The following KLHL3 variants were observed in gnomAD, a reference collection of about 807,000 sequenced individuals.
KLHL3 encodes kelch like family member 3, also known as kelch-like protein 3.
In KLHL3, 19 loss-of-function variants were observed where a neutral mutation model predicts 70.5. The observed-to-expected ratio is 0.27, with a 90% CI of 0.19 to 0.40. KLHL3 has a LOEUF of 0.40. Ranked by LOEUF, KLHL3 falls within the 10% of genes least tolerant of loss-of-function variation. KLHL3 has a pLI of 1.00. For synonymous variants in KLHL3, 258 were observed against 290.3 expected (o/e 0.89, Z 1.13); for missense variants, 512 against 771.1 (o/e 0.66, Z 3.98).
chr5:137,663,053 GTTC>G (rs1751521515), intron 6 of KLHL3, among the ~76,000 whole-genome samples: 1 of 130,056 alleles, frequency 7.7e-6, no homozygotes, highest in Admixed American at 8.0e-5. Context: ...TTGAGCACTC[GTTC>G]TTTTTTTTTT....
chr5:137,628,688 C>CA, intron 12 of KLHL3: 2 of 281,904 alleles, frequency 7.1e-6, no homozygotes, highest in Non-Finnish European at 1.3e-5. Context: ...TTTTAAAAAA[C>CA]ATTAAAAAAT....
chr5:137,627,738 A>G (rs1444481684), intron 13 of KLHL3, among the ~76,000 whole-genome samples: 1 of 152,142 alleles, frequency 6.6e-6, no homozygotes, highest in Non-Finnish European at 1.5e-5. Context: ...TAAATACACT[A>G]CAGTAAATCT....
At chr5:137,674,988 G>C (rs1751851869) in intron 6 of KLHL3, among the ~76,000 whole-genome samples, 1 of 152,112 alleles carries the variant, frequency 6.6e-6, no homozygotes, top group Non-Finnish European at 1.5e-5. Flanking sequence ...AAACTATGAG[G>C]TTAGCCAAAG....
chr5:137,712,097 T>C (rs1451141995), intron 2 of KLHL3, among the ~76,000 whole-genome samples: 2 of 142,980 alleles, frequency 1.4e-5, no homozygotes, highest in Admixed American at 1.5e-4. Flanking sequence ...AGGCAGAGGT[T>C]GCTGTGGGCC....
chr5:137,634,968 G>A (rs1378874489), intron 11 of KLHL3, among the ~76,000 whole-genome samples: 2 of 152,132 alleles, frequency 1.3e-5, no homozygotes, highest in Admixed American at 1.3e-4. Context: ...AAAATGCAAT[G>A]GGATGGTCTC....
intron 13 of KLHL3, among the ~76,000 whole-genome samples, chr5:137,627,165 T>C (rs1010207622): frequency 6.6e-6 from 1 of 152,166 alleles, no homozygotes; most frequent in African/African-American, 2.4e-5. Context: ...AATTATGATA[T>C]AGTCATTTAA....
chr5:137,688,162 T>TA (rs1215305904), intron 5 of KLHL3, among the ~76,000 whole-genome samples: 2 of 7,480 alleles, frequency 2.7e-4, no homozygotes, highest in Non-Finnish European at 5.1e-4. Context: ...GAATGATCAA[T>TA]AAAAAAAAAT....
At position 137,625,805 on chromosome 5, in the gene KLHL3, A is replaced by G; in HGVS notation, c.1683T>C (p.Thr561=). The change falls in exon 14 of 15, where the codon ACT becomes ACC. Residue 561 remains threonine (T), a synonymous_variant. Coordinates refer to ENST00000309755, the MANE Select transcript of KLHL3 (RefSeq NM_017415.3). The part of the protein sequence containing the change: ...LASVEYYNPV[T]DKWTLLPTNM... ...TCGTTGGAAGCAGCGTCCATTTGTC[A>G]GTGACAGGATTGTAGTACTCCACCG... The G allele has an allele frequency of 6.2e-7, 1 of 1,614,162 alleles. No homozygotes were observed.
At chr5:137,707,024 A>G (rs1752698203) in intron 3 of KLHL3, among the ~76,000 whole-genome samples, 1 of 152,220 alleles carries the variant, frequency 6.6e-6, no homozygotes. Flanking sequence ...GGCCTTCCTG[A>G]GGAAGTGATG....
At chr5:137,727,571 A>AG in intron 1 of KLHL3, among the ~76,000 whole-genome samples, 1 of 152,270 alleles carries the variant, frequency 6.6e-6, no homozygotes, top group South Asian at 2.1e-4. Context: ...AAAATACACT[A>AG]GGCTCTCTGC....
Position 137,735,773 on chromosome 5 carries a change from C to A in KLHL3, c.-127G>T. On this transcript the variant is annotated 5_prime_UTR_variant, in exon 1 of 15. Coordinates refer to ENST00000309755, the MANE Select transcript of KLHL3 (RefSeq NM_017415.3). Reference sequence around the variant, plus strand: ...CAGCAACAGTGATTCAGCATGGCTGCAAGTGAAGCCTCCTCCCTTCTCAAT... The same window carrying A: ...CAGCAACAGTGATTCAGCATGGCTGAAAGTGAAGCCTCCTCCCTTCTCAAT... The A allele has an allele frequency of 8.0e-7, 1 of 1,255,130 alleles. No individual in the cohort carries two copies. 77.7% of individuals were successfully genotyped at this position (1,255,130 alleles called of 1,614,324 possible).
intron 8 of KLHL3, 148 bp downstream of exon 8, chr5:137,657,983 G>C: frequency 1.4e-6 from 1 of 707,940 alleles, no homozygotes; most frequent in Non-Finnish European, 2.4e-6. Context: ...GCAGATTCAA[G>C]AGGAACCAGC....
At chr5:137,672,719 G>A (rs1003522180) in intron 6 of KLHL3, 4 of 152,188 alleles carry the variant, frequency 2.6e-5, no homozygotes, top group Non-Finnish European at 4.4e-5. Flanking sequence ...AGGTCCCACA[G>A]CAATTCAACA....
At chr5:137,716,118 CA>C (rs1343207753) in intron 2 of KLHL3, among the ~76,000 whole-genome samples, 1 of 151,890 alleles carries the variant, frequency 6.6e-6, no homozygotes, top group East Asian at 1.9e-4. Context: ...AAAAATAACT[CA>C]AAAATAGAAT....
At chr5:137,628,264 C>G in intron 13 of KLHL3, 33 bp downstream of exon 13, 1 of 1,612,482 alleles carries the variant, frequency 6.2e-7, no homozygotes, top group Non-Finnish European at 8.5e-7. Context: ...GGCACACAAC[C>G]CCCAAAGGGG....
At chr5:137,654,954 T>C (rs1253887185) in intron 8 of KLHL3, among the ~76,000 whole-genome samples, 3 of 152,260 alleles carry the variant, frequency 2.0e-5, no homozygotes, top group African/African-American at 7.2e-5. Context: ...AACTGGGCTT[T>C]AATTTTAAAA....
intron 7 of KLHL3, among the ~76,000 whole-genome samples, chr5:137,659,461 C>A (rs1406016757): frequency 1.3e-5 from 2 of 152,282 alleles, no homozygotes; most frequent in South Asian, 4.1e-4. Flanking sequence ...GTACCTCTGA[C>A]CACCTCCCTC....
Position 137,619,821 on chromosome 5 carries a change from G to T in KLHL3, c.*2277C>A, listed in dbSNP as rs1165526951. ...AATCCAAAAACAGAAAACATGACTG[G>T]CTAGCTTTCAGTGGAGGGACCCTTC... On this transcript the variant is annotated 3_prime_UTR_variant, in exon 15 of 15. Transcript: ENST00000309755. 1 of 152,592 alleles carries T rather than the reference G, an allele frequency of 6.6e-6. No homozygotes were observed. The highest frequency in any genetic ancestry group is 1.5e-5 in the Non-Finnish European group (1 of 68,054). The allele number at this position is 152,592 out of a possible 1,614,324, so 9.5% of individuals were successfully genotyped here. A position where few individuals can be genotyped will look rare whatever the true frequency, so the allele number is the denominator to read the frequency against.
rs2149874384 is a variant in KLHL3 at position 137,622,012 on chromosome 5, G to A, written c.*86C>T. ...CAGCAGCACAGACCCTCCCAAGCAA[G>A]TTGAATCCAGTCACCAAGGTCCTGC... is the stretch of plus-strand genomic sequence containing the variant. On this transcript the variant is annotated 3_prime_UTR_variant, in exon 15 of 15. Transcript: ENST00000309755. 2.1e-6 allele frequency: 3 copies of A among 1,437,432 alleles called. No individual in the cohort carries two copies. The East Asian group carries it at 6.8e-5, about 33-fold the overall frequency. 89.0% of individuals were successfully genotyped at this position (1,437,432 alleles called of 1,614,324 possible).
Sources: allele counts gnomAD v4.1 joint callset (sites outside exome capture counted in the v4.1 genomes callset), GRCh38; gene constraint gnomAD v4.1.1; transcripts MANE v1.5; gene names NCBI Gene and HGNC (gene_info 2026-07-23, HGNC 2026-07-21).